The following MRRF variants were observed in gnomAD, a reference collection of about 807,000 sequenced individuals.
MRRF encodes mitochondrial ribosome recycling factor.
MRRF carries 18 observed loss-of-function variants against 25.1 expected under a neutral mutation model. The observed-to-expected ratio is 0.72, with a 90% CI of 0.50 to 1.06. MRRF has a LOEUF of 1.06. Ranked by LOEUF, MRRF falls within the 50% of genes least tolerant of loss-of-function variation. MRRF has a pLI of 0.00. For missense variants in MRRF, 323 were observed against 319.3 expected, an observed-to-expected ratio of 1.01 and a Z score of -0.09; for synonymous variants, 113 against 112.1, an observed-to-expected ratio of 1.01 and a Z score of -0.05.
At chr9:122,293,563 G>A (rs764181932) in intron 5 of MRRF, among the ~76,000 whole-genome samples, 7 of 152,188 alleles carry the variant, frequency 4.6e-5, no homozygotes, top group Admixed American at 3.3e-4. Context: ...TACTCTGTGA[G>A]GCTGAAGTAA....
intron 5 of MRRF, among the ~76,000 whole-genome samples, chr9:122,298,274 C>T (rs1333470580): frequency 6.6e-6 from 1 of 152,148 alleles, no homozygotes; most frequent in Non-Finnish European, 1.5e-5. Flanking sequence ...CTATGTGGAA[C>T]ATAATTTACA....
intron 4 of MRRF, among the ~76,000 whole-genome samples, chr9:122,286,395 A>G (rs187805519): frequency 6.6e-6 from 1 of 152,336 alleles, no homozygotes; most frequent in East Asian, 1.9e-4. Flanking sequence ...TACTATAACC[A>G]GAATGAGTTT....
chr9:122,287,983 A>G (rs1010298975), intron 4 of MRRF, among the ~76,000 whole-genome samples: 1 of 152,216 alleles, frequency 6.6e-6, no homozygotes, highest in Non-Finnish European at 1.5e-5. Flanking sequence ...TCTGTTTCAC[A>G]TACAGTTGGC....
intron 2 of MRRF, among the ~76,000 whole-genome samples, chr9:122,274,700 G>A (rs1832672628): frequency 6.6e-6 from 1 of 151,948 alleles, no homozygotes; most frequent in Non-Finnish European, 1.5e-5. Flanking sequence ...CAAAGTTGTT[G>A]ATATAAAGTT....
chr9:122,300,366 A>C (rs2118873753), intron 5 of MRRF, among the ~76,000 whole-genome samples: 1 of 152,348 alleles, frequency 6.6e-6, no homozygotes, highest in East Asian at 1.9e-4. Context: ...TGCCCACTGC[A>C]GTGAACTTGG....
intron 4 of MRRF, 102 bp from the exon 5 acceptor site, chr9:122,291,647 G>A: frequency 1.2e-6 from 1 of 840,104 alleles, no homozygotes; most frequent in Non-Finnish European, 2.1e-6. Context: ...AGAACTAAAT[G>A]TTTCCATGTT....
At chr9:122,268,990 C>T (rs1474044717) in intron 1 of MRRF, among the ~76,000 whole-genome samples, 4 of 151,802 alleles carry the variant, frequency 2.6e-5, no homozygotes, top group Non-Finnish European at 5.9e-5. Context: ...AAGGTGAAAC[C>T]CCGTCTCTAC....
At position 122,272,216 on chromosome 9, in the gene MRRF, C is replaced by G. The variant is rs142476567; in HGVS notation, c.184+1141C>G. On this transcript the variant is annotated intron_variant, in intron 2 of 6. Coordinates refer to ENST00000344641, the MANE Select transcript of MRRF (RefSeq NM_138777.5). ...CTGAGATAGTTTGTGAGAAATTTGC[C>G]CATGTTCCTATATAGTTAATGGCAG... 5.2e-3 allele frequency among the ~76,000 whole-genome samples: 789 copies of G among 152,212 alleles called. 5 individuals are homozygous for G. The highest frequency in any genetic ancestry group is 0.018 in the African/African-American group (765 of 41,532).
chr9:122,307,351 A>G (rs1302913636), intron 5 of MRRF, among the ~76,000 whole-genome samples: 1 of 152,196 alleles, frequency 6.6e-6, no homozygotes, highest in East Asian at 1.9e-4. Context: ...TGCTCCCCAC[A>G]GCTGCTGGAG....
At chr9:122,287,521 AATTAC>A (rs34936446) in intron 4 of MRRF, among the ~76,000 whole-genome samples, 3,232 of 152,272 alleles carry the variant, frequency 0.021, 107 homozygotes, top group African/African-American at 0.074. Flanking sequence ...ATAGCCTCCT[AATTAC>A]ACAGCTTGAA....
chr9:122,293,824 C>CTTGTGGAAT (rs1416185439), intron 5 of MRRF, among the ~76,000 whole-genome samples: 1 of 152,144 alleles, frequency 6.6e-6, no homozygotes, highest in Non-Finnish European at 1.5e-5. Context: ...TTGCCTCCAA[C>CTTGTGGAAT]TTACTTGTGG....
At chr9:122,310,390 G>T (rs1205717790) in intron 5 of MRRF, among the ~76,000 whole-genome samples, 1 of 152,212 alleles carries the variant, frequency 6.6e-6, no homozygotes. Context: ...CTCCAGGCCT[G>T]TAGAGTATAT....
chr9:122,329,726 C>G lies in MRRF; in HGVS notation c.*7109C>G, dbSNP rs755356646. ...CCCTTGAGTGGTGCTCACCAGGGAACAGATGTGGCAAATGTTCCAGGCTGG... is the reference window on the plus strand; with the variant it reads ...CCCTTGAGTGGTGCTCACCAGGGAAGAGATGTGGCAAATGTTCCAGGCTGG... On this transcript the variant is annotated 3_prime_UTR_variant, in exon 7 of 7. Coordinates refer to ENST00000344641, the MANE Select transcript of MRRF (RefSeq NM_138777.5). 3 of 152,276 alleles carry G rather than the reference C, an allele frequency of 2.0e-5. No homozygotes were observed. The highest frequency in any genetic ancestry group is 4.4e-5 in the Non-Finnish European group (3 of 68,088). 9.4% of individuals were successfully genotyped at this position (152,276 alleles called of 1,614,324 possible).
In MRRF at chr9:122,329,105, A is replaced by G. The variant is rs938384171; in HGVS notation, c.*6488A>G. ...TTGGTTCCCTGTTGCCTGCTGAATT[A>G]TGTAAACTCTTCACCCTGGCATTCA... is the stretch of plus-strand genomic sequence containing the variant. On this transcript the variant is annotated 3_prime_UTR_variant, in exon 7 of 7. Transcript: ENST00000344641. 3.3e-5 allele frequency: 5 copies of G among 152,220 alleles called. No individual in the cohort carries two copies. Among genetic ancestry groups the G allele is most frequent in the Non-Finnish European group, 5.9e-5 (4 of 68,044 alleles). 9.4% of individuals were successfully genotyped at this position (152,220 alleles called of 1,614,324 possible). A position where few individuals can be genotyped will look rare whatever the true frequency, so the allele number is the denominator to read the frequency against.
chr9:122,323,659 T>G lies in MRRF; in HGVS notation c.*1042T>G, dbSNP rs1471322367. ...TTTTTTCCCTCCAATTATTTTTTATTCATTCATTCATTCCTAATATAGCCA... is the reference window on the plus strand; with the variant it reads ...TTTTTTCCCTCCAATTATTTTTTATGCATTCATTCATTCCTAATATAGCCA... On this transcript the variant is annotated 3_prime_UTR_variant, in exon 7 of 7. Transcript: ENST00000344641. 2 of 152,224 alleles carry G rather than the reference T, an allele frequency of 1.3e-5. No homozygotes were observed. Among genetic ancestry groups the G allele is most frequent in the Non-Finnish European group, 2.9e-5 (2 of 68,044 alleles). The allele number at this position is 152,224 out of a possible 1,614,324, so 9.4% of individuals were successfully genotyped here.
chr9:122,278,149 T>C (rs1041163387), intron 2 of MRRF, among the ~76,000 whole-genome samples: 11 of 152,134 alleles, frequency 7.2e-5, no homozygotes, highest in Non-Finnish European at 1.0e-4. Flanking sequence ...CTCTCTCTCT[T>C]TTTTAAATTC....
At chr9:122,291,597 G>A in intron 4 of MRRF, 152 bp from the exon 5 acceptor site, 2 of 685,874 alleles carry the variant, frequency 2.9e-6, no homozygotes, top group South Asian at 1.6e-5. Context: ...CTTGATCAAA[G>A]CACTCTACAC....
At chr9:122,284,006 G>C (rs1833236033) in intron 3 of MRRF, among the ~76,000 whole-genome samples, 2 of 150,476 alleles carry the variant, frequency 1.3e-5, no homozygotes, top group African/African-American at 4.9e-5. Flanking sequence ...GTTGTTGTTT[G>C]TTTAATGGGC....
chr9:122,307,086 A>G (rs1437599723), intron 5 of MRRF, among the ~76,000 whole-genome samples: 1 of 152,188 alleles, frequency 6.6e-6, no homozygotes. Flanking sequence ...TGGTGTCCCT[A>G]GAAGCATAGG....
Sources: allele counts gnomAD v4.1 joint callset (sites outside exome capture counted in the v4.1 genomes callset), GRCh38; gene constraint gnomAD v4.1.1; transcripts MANE v1.5; gene names NCBI Gene and HGNC (gene_info 2026-07-23, HGNC 2026-07-21).